Variants in ZNF836 observed in about 807,000 individuals in gnomAD.
The protein encoded by ZNF836 is zinc finger protein 836.
A neutral mutation model predicts 7.4 loss-of-function variants in ZNF836; 12 were observed. The ratio of observed to expected loss-of-function variants is 1.61; its 90% CI spans 1.03 to 2.61. The LOEUF (loss-of-function observed/expected upper bound fraction) is 2.61, where lower values mean the gene tolerates loss of function less well. ZNF836 is among the 30% of genes most tolerant of loss of function. The probability of loss-of-function intolerance (pLI) is 0.00; values close to 1 mark genes in which losing one functional copy is unlikely to be tolerated. For synonymous variants in ZNF836, 365 were observed against 382.6 expected (o/e 0.95, Z 0.54); for missense variants, 998 against 1,126.2 (o/e 0.89, Z 1.63).
In ZNF836 at chr19:52,157,339, G is replaced by T. The variant is rs2089174545; in HGVS notation, c.344C>A (p.Thr115Asn). ...TTTACCATTAAGATTGTTTTTATAG[G>T]TCATTGGCACTTCTTTATAATTTAT... ...GEINYKEVPM[T>N]YKNNLNGKRG... Residue 115 changes from threonine to asparagine, a missense_variant, in exon 5 of 5, where the codon ACC becomes AAC. Physicochemically the swap from Thr to Asn is moderately conservative, Grantham distance 65 (BLOSUM62 0). Transcript: ENST00000682614. The T allele has an allele frequency of 6.2e-7, 1 of 1,606,620 alleles. No homozygotes were observed. Among genetic ancestry groups the T allele is most frequent in the Admixed American group, 1.7e-5 (1 of 58,274 alleles).
chr19:52,160,524 A>G lies in ZNF836; in HGVS notation c.83T>C (p.Val28Ala). The G allele has an allele frequency of 1.9e-6, 3 of 1,614,172 alleles. No individual in the cohort carries two copies. The highest frequency in any genetic ancestry group is 1.7e-6 in the Non-Finnish European group (2 of 1,180,016). ...CACATCCCAGTACAAAGCTTTCTGC[A>G]CAGGGTCCAGGGATTTCCACTCCTC... ...SQEEWKSLDP[V>A]QKALYWDVML... Residue 28 changes from valine (V) to alanine (A), a missense_variant, in exon 4 of 5, where the codon GTG becomes GCG. Coordinates refer to ENST00000682614, the MANE Select transcript of ZNF836 (RefSeq NM_001102657.3).
chr19:52,156,019 T>C lies in ZNF836; in HGVS notation c.1664A>G (p.Lys555Arg), dbSNP rs2089154285. The C allele has an allele frequency of 6.2e-7, 1 of 1,614,062 alleles. No individual in the cohort carries two copies. The highest frequency in any genetic ancestry group is 8.5e-7 in the Non-Finnish European group (1 of 1,179,900). The change falls in exon 5 of 5, where the codon AAA (lysine) becomes AGA (arginine). Residue 555 changes from lysine (K) to arginine (R), a missense_variant. Coordinates refer to ENST00000682614, the MANE Select transcript of ZNF836 (RefSeq NM_001102657.3). ...GAAGACCTTGCCACACACATTACAT[T>C]TGTAAGGTTGCTCCCCAGTATGAAT... ...LRIHTGEQPY[K>R]CNVCGKVFNY...
intron 3 of ZNF836, among the ~76,000 whole-genome samples, chr19:52,165,541 T>C (rs905843095): frequency 2.0e-5 from 3 of 152,216 alleles, no homozygotes; most frequent in African/African-American, 7.2e-5. Context: ...ACTTGACACC[T>C]CTCACTGACT....
Position 52,159,627 on chromosome 19 carries a change from T to A in ZNF836, c.142+838A>T, listed in dbSNP as rs141582793. The stretch of plus-strand genomic sequence containing the variant: ...GACATAGACAGTGTTCTCAGAAAGT[T>A]GTCAAGTGAATGAGTTACACTGAGT... On this transcript the variant is annotated intron_variant, in intron 4 of 4. Coordinates refer to ENST00000682614, the MANE Select transcript of ZNF836 (RefSeq NM_001102657.3). Among the ~76,000 whole-genome samples, 364 of 152,258 alleles carry A rather than the reference T, an allele frequency of 2.4e-3. 3 individuals are homozygous for A. The highest frequency in any genetic ancestry group is 2.0e-3 in the Admixed American group (31 of 15,298).
chr19:52,159,015 G>A (rs900202874), intron 4 of ZNF836, among the ~76,000 whole-genome samples: 4 of 152,062 alleles, frequency 2.6e-5, no homozygotes, highest in Non-Finnish European at 2.9e-5. Context: ...GCCATGTGAG[G>A]ACACAGAAAG....
chr19:52,166,661 C>T (rs993786964), intron 3 of ZNF836, among the ~76,000 whole-genome samples: 4 of 150,980 alleles, frequency 2.6e-5, no homozygotes, highest in Non-Finnish European at 5.9e-5. Context: ...GCAAGCTCCA[C>T]CTCCTGGGTT....
chr19:52,162,904 A>G (rs1448459759), intron 3 of ZNF836, among the ~76,000 whole-genome samples: 2 of 152,172 alleles, frequency 1.3e-5, no homozygotes, highest in Non-Finnish European at 2.9e-5. Flanking sequence ...GTGGAATGCT[A>G]AGTTGATCAC....
At chr19:52,162,325 C>T (rs991840179) in intron 3 of ZNF836, among the ~76,000 whole-genome samples, 2 of 152,218 alleles carry the variant, frequency 1.3e-5, no homozygotes, top group Non-Finnish European at 2.9e-5. Flanking sequence ...TTAGTGGGGA[C>T]TTCCAGGGAC....
At chr19:52,164,329 G>A (rs191436954) in intron 3 of ZNF836, among the ~76,000 whole-genome samples, 1 of 151,142 alleles carries the variant, frequency 6.6e-6, no homozygotes, top group Non-Finnish European at 1.5e-5. Flanking sequence ...GGAGGCAGAG[G>A]TTGCAGTGAG....
chr19:52,160,781 C>T (rs538710780), intron 3 of ZNF836, 190 bp from the exon 4 acceptor site: 14 of 615,802 alleles, frequency 2.3e-5, no homozygotes, highest in Non-Finnish European at 3.2e-5. Flanking sequence ...TATGATATCC[C>T]GTAAATCAGT....
chr19:52,163,062 C>A (rs561242446), intron 3 of ZNF836, among the ~76,000 whole-genome samples: 1 of 152,120 alleles, frequency 6.6e-6, no homozygotes, highest in South Asian at 2.1e-4. Context: ...ATCAGAGTTC[C>A]GAGGTCCGAA....
chr19:52,155,479 G>A lies in ZNF836; in HGVS notation c.2204C>T (p.Thr735Ile). 6.2e-7 allele frequency: 1 copy of A among 1,614,000 alleles called. No homozygotes were observed. The highest frequency in any genetic ancestry group is 8.5e-7 in the Non-Finnish European group (1 of 1,179,894). ...CCTTCTCTGATGGTACGTCAGGCCT[G>A]TTATATGACTAAAAGTTCTACCACA... Reference protein sequence around the residue: ...SHCGRTFSHITGLTYHQRRHT... With the variant: ...SHCGRTFSHIIGLTYHQRRHT... Residue 735 changes from threonine to isoleucine, a missense_variant, in exon 5 of 5, where the codon ACA becomes ATA. Transcript: ENST00000682614.
rs1313338751 is a variant in ZNF836 at position 52,155,124 on chromosome 19, T to C, written c.2559A>G (p.Gln853=). 1.2e-6 allele frequency: 2 copies of C among 1,613,392 alleles called. No homozygotes were observed. Among genetic ancestry groups the C allele is most frequent in the Non-Finnish European group, 1.7e-6 (2 of 1,179,852 alleles). The stretch of plus-strand genomic sequence containing the variant: ...ATGGCTTCTCTCCAGTGTGATTTCT[T>C]TGATGGTACACCAGCTTTGACCTTT... ...FIERSKLVYH[Q]RNHTGEKPYK... Residue 853 remains glutamine (Q), a synonymous_variant, in exon 5 of 5, where the codon CAA becomes CAG. Coordinates refer to ENST00000682614, the MANE Select transcript of ZNF836 (RefSeq NM_001102657.3).
rs566946931 is a variant in ZNF836, at chr19:52,154,922, A to G, written c.2761T>C (p.Phe921Leu). 4.7e-5 allele frequency: 72 copies of G among 1,543,792 alleles called. No homozygotes were observed. The South Asian group carries it at 8.9e-4, about 19-fold the overall frequency. The change falls in exon 5 of 5, where the codon TTC becomes CTC. Residue 921 changes from phenylalanine to leucine, a missense_variant. By Grantham distance (22) the Phe-to-Leu change is conservative. Coordinates refer to ENST00000682614, the MANE Select transcript of ZNF836 (RefSeq NM_001102657.3). ...ACATCTAAAGGCTTTTCCACATTGA[A>G]TTTTGTTTTAAGACTCTCTGCAGTA... is the stretch of plus-strand genomic sequence containing the variant. ...KHTAESLKTK[F>L]NVEKPLDVLL...
At chr19:52,170,586 T>C (rs2089299990) in intron 1 of ZNF836, among the ~76,000 whole-genome samples, 1 of 152,112 alleles carries the variant, frequency 6.6e-6, no homozygotes, top group African/African-American at 2.4e-5. Context: ...TTGCTGCCTT[T>C]CATCTCTCTG....
rs771376765 is a variant in ZNF836 at position 52,157,328 on chromosome 19, TG to T, written c.354del (p.Asn118LysfsTer15). 1 of 1,605,504 alleles carries T rather than the reference TG, an allele frequency of 6.2e-7. No homozygotes were observed. The highest frequency in any genetic ancestry group is 8.5e-7 in the Non-Finnish European group (1 of 1,177,062). ...NYKEVPMTYK[N>X]NLNGKRGQHS... ...TGTTGACCTCTTTTACCATTAAGAT[TG>T]TTTTTATAGGTCATTGGCACTTCTT... On this transcript the variant is annotated frameshift_variant, in exon 5 of 5. Coordinates refer to ENST00000682614, the MANE Select transcript of ZNF836 (RefSeq NM_001102657.3). LOFTEE classifies it low-confidence loss of function (END_TRUNC).
chr19:52,164,458 A>G (rs2089243799), intron 3 of ZNF836, among the ~76,000 whole-genome samples: 1 of 121,674 alleles, frequency 8.2e-6, no homozygotes, highest in South Asian at 2.5e-4. Context: ...AAAAGGAAGG[A>G]AGGAAGGAAG....
chr19:52,160,528 G>A lies in ZNF836; in HGVS notation c.79C>T (p.Pro27Ser), dbSNP rs376958843. ...FSQEEWKSLD[P>S]VQKALYWDVM... The stretch of plus-strand genomic sequence containing the variant: ...TCCCAGTACAAAGCTTTCTGCACAG[G>A]GTCCAGGGATTTCCACTCCTCCTGA... The change falls in exon 4 of 5, where the codon CCT becomes TCT. Residue 27 changes from proline (P) to serine (S), a missense_variant. Physicochemically the swap from Pro to Ser is moderately conservative, Grantham distance 74. Transcript: ENST00000682614. The A allele has an allele frequency of 6.9e-5, 111 of 1,613,918 alleles. 1 individual carries two copies. The African/African-American group carries it at 1.3e-3, about 19-fold the overall frequency.
rs370035923 is a variant in ZNF836, at chr19:52,155,378, G to A, written c.2305C>T (p.Arg769Trp). 119 of 1,613,766 alleles carry A rather than the reference G, an allele frequency of 7.4e-5. No individual in the cohort carries two copies. Among genetic ancestry groups the A allele is most frequent in the Non-Finnish European group, 9.2e-5 (108 of 1,179,972 alleles). Residue 769 changes from arginine to tryptophan, a missense_variant, in exon 5 of 5, where the codon CGG becomes TGG. Coordinates refer to ENST00000682614, the MANE Select transcript of ZNF836 (RefSeq NM_001102657.3). The part of the protein sequence containing the change: ...FNSTSNLARH[R>W]RIHTGEKPYK... ...GGTTTCTCTCCAGTGTGAATTCTCC[G>A]ATGCCTTGCAAGGTTCGAAGTGGAA...
Sources: gnomAD v4.1 joint callset for allele counts (sites outside exome capture counted in the v4.1 genomes callset) on GRCh38, gnomAD v4.1.1 for gene constraint, MANE v1.5 for transcripts, NCBI Gene and HGNC (gene_info 2026-07-23, HGNC 2026-07-21) for gene names.